The following MGMT variants were observed in gnomAD, a reference collection of about 807,000 sequenced individuals.
MGMT encodes methylated-DNA--protein-cysteine methyltransferase.
Under a neutral mutation model 15.9 loss-of-function variants are expected in MGMT, and 14 were observed. That is an observed-to-expected ratio of 0.88 (90% CI 0.58 to 1.37). The LOEUF is 1.37. Ranked by LOEUF, MGMT falls within the 40% of genes most tolerant of loss-of-function variation. The pLI, the probability that MGMT is intolerant of heterozygous loss-of-function variation, is 0.00. For missense variants in MGMT, 282 were observed against 268.1 expected (o/e 1.05, Z -0.36); for synonymous variants, 130 against 118.2 (o/e 1.10, Z -0.65).
At chr10:129,539,260 A>G (rs1846017876) in intron 2 of MGMT, among the ~76,000 whole-genome samples, 1 of 152,106 alleles carries the variant, frequency 6.6e-6, no homozygotes, top group South Asian at 2.1e-4. Context: ...GTTTAGATAT[A>G]TGTGATCCAT....
rs111739376 is a variant in MGMT, at chr10:129,666,026, A to T, written c.126-41869A>T. Among the ~76,000 whole-genome samples, 806 of 152,284 alleles carry T rather than the reference A, an allele frequency of 5.3e-3. 5 individuals carry two copies. Among genetic ancestry groups the T allele is most frequent in the African/African-American group, 0.019 (770 of 41,558 alleles). On this transcript the variant is annotated intron_variant, in intron 2 of 4. Coordinates refer to ENST00000651593, the MANE Select transcript of MGMT (RefSeq NM_002412.5). ...ATATTCTTAGGAAATAAGATGTGTG[A>T]TATACCCAAAGTAACTCTCAAATGG...
At chr10:129,642,404 G>A (rs1269164304) in intron 2 of MGMT, among the ~76,000 whole-genome samples, 2 of 151,768 alleles carry the variant, frequency 1.3e-5, no homozygotes, top group Admixed American at 1.3e-4. Context: ...TAACCAAGGA[G>A]AATCCTTACT....
At chr10:129,640,348 G>A (rs927719733) in intron 2 of MGMT, among the ~76,000 whole-genome samples, 9 of 152,080 alleles carry the variant, frequency 5.9e-5, no homozygotes, top group African/African-American at 1.2e-4. Flanking sequence ...CACCCACCTC[G>A]GCCTCCCAAA....
rs1846856592 is a variant in MGMT, at chr10:129,604,031, C to T, written c.125+67654C>T. Among the ~76,000 whole-genome samples the T allele has an allele frequency of 2.0e-5, 3 of 152,144 alleles. No individual in the cohort carries two copies. In the South Asian group the frequency reaches 6.2e-4, roughly 32 times the overall value. On this transcript the variant is annotated intron_variant, in intron 2 of 4. Coordinates refer to ENST00000651593, the MANE Select transcript of MGMT (RefSeq NM_002412.5). The stretch of plus-strand genomic sequence containing the variant: ...GCGTGTGTCTGCGGGTGCCAGAGGT[C>T]AGATTTTTCAAAAGTCAGTGCTATA...
intron 1 of MGMT, among the ~76,000 whole-genome samples, chr10:129,527,275 A>G (rs866970414): frequency 6.6e-6 from 1 of 152,062 alleles, no homozygotes; most frequent in Non-Finnish European, 1.5e-5. Flanking sequence ...CATTATGTGC[A>G]CATGCCCTGT....
intron 3 of MGMT, among the ~76,000 whole-genome samples, chr10:129,758,062 A>G (rs1848827286): frequency 6.6e-6 from 1 of 152,222 alleles, no homozygotes; most frequent in African/African-American, 2.4e-5. Flanking sequence ...ACCCTTTTCT[A>G]GTATCACCTG....
intron 2 of MGMT, among the ~76,000 whole-genome samples, chr10:129,686,395 GAC>G (rs1213159348): frequency 1.3e-5 from 2 of 151,898 alleles, no homozygotes; most frequent in Admixed American, 1.3e-4. Flanking sequence ...ATTTTTTTGA[GAC>G]AGAGTCTCGC....
intron 2 of MGMT, among the ~76,000 whole-genome samples, chr10:129,538,737 G>A (rs545137339): frequency 6.6e-6 from 1 of 152,206 alleles, no homozygotes; most frequent in Non-Finnish European, 1.5e-5. Flanking sequence ...CTGGGTTCAA[G>A]CAATTCTCCT....
At chr10:129,633,336 T>C (rs1048387400) in intron 2 of MGMT, among the ~76,000 whole-genome samples, 1 of 152,190 alleles carries the variant, frequency 6.6e-6, no homozygotes, top group Non-Finnish European at 1.5e-5. Context: ...ATCTAATGCC[T>C]ATGAGACTGC....
intron 2 of MGMT, among the ~76,000 whole-genome samples, chr10:129,642,064 A>G (rs894024287): frequency 6.6e-6 from 1 of 152,318 alleles, no homozygotes; most frequent in South Asian, 2.1e-4. Context: ...ACAGACACAG[A>G]GAACCCTTGT....
chr10:129,545,186 T>C (rs572924170), intron 2 of MGMT, among the ~76,000 whole-genome samples: 2 of 152,206 alleles, frequency 1.3e-5, no homozygotes, highest in Non-Finnish European at 2.9e-5. Context: ...GGGTATTCCC[T>C]CTACTTAGCT....
chr10:129,536,271 A>G lies in MGMT; in HGVS notation c.19A>G (p.Met7Val). The G allele has an allele frequency of 6.2e-7, 1 of 1,614,036 alleles. No individual in the cohort carries two copies. Among genetic ancestry groups the G allele is most frequent in the Non-Finnish European group, 8.5e-7 (1 of 1,180,024 alleles). Residue 7 changes from methionine (M) to valine (V), a missense_variant, in exon 2 of 5, where the codon ATG becomes GTG. Transcript: ENST00000651593. MDKDCEMKRTTLDSPLG... is the reference protein window; with the variant it reads MDKDCEVKRTTLDSPLG... ...TGGAAAAATGGACAAGGATTGTGAA[A>G]TGAAACGCACCACACTGGACAGCCC...
Position 129,767,586 on chromosome 10 carries a change from TCAGGTGAATAGAAA to T in MGMT, c.*590_*603del, listed in dbSNP as rs1193530036. On this transcript the variant is annotated 3_prime_UTR_variant, in exon 5 of 5. Coordinates refer to ENST00000651593, the MANE Select transcript of MGMT (RefSeq NM_002412.5). Reference sequence around the variant, plus strand: ...AAGATGCATCCACTTATGGTCTGTATCAGGTGAATAGAAAATAACCATTTGCCAAGATTTGGAAA... The same window carrying T: ...AAGATGCATCCACTTATGGTCTGTATATAACCATTTGCCAAGATTTGGAAA... 2.0e-5 allele frequency: 3 copies of T among 152,368 alleles called. No homozygotes were observed. Among genetic ancestry groups the T allele is most frequent in the East Asian group, 1.9e-4 (1 of 5,210 alleles). The allele number at this position is 152,368 out of a possible 1,614,324, so 9.4% of individuals were successfully genotyped here.
At position 129,651,704 on chromosome 10, in the gene MGMT, T is replaced by C. The variant is rs956545129; in HGVS notation, c.126-56191T>C. Among the ~76,000 whole-genome samples, 7 of 152,158 alleles carry C rather than the reference T, an allele frequency of 4.6e-5. No homozygotes were observed. In the East Asian group the frequency reaches 5.8e-4, roughly 13 times the overall value. ...AGAGAACGTGCTCATCCTGGCCCTG[T>C]TGGATTGTCTCCACAGATGTTTTTC... On this transcript the variant is annotated intron_variant, in intron 2 of 4. Transcript: ENST00000651593.
At chr10:129,705,953 T>C (rs1214781385) in intron 2 of MGMT, among the ~76,000 whole-genome samples, 1 of 152,090 alleles carries the variant, frequency 6.6e-6, no homozygotes, top group Non-Finnish European at 1.5e-5. Flanking sequence ...AGAGCTGGGG[T>C]TGGAGCTGAG....
intron 1 of MGMT, among the ~76,000 whole-genome samples, chr10:129,518,369 C>T (rs1490070128): frequency 1.4e-5 from 2 of 142,518 alleles, no homozygotes; most frequent in African/African-American, 5.1e-5. Context: ...CACACACACA[C>T]ACACATTTGG....
chr10:129,629,658 A>G (rs1847188932), intron 2 of MGMT, among the ~76,000 whole-genome samples: 1 of 152,196 alleles, frequency 6.6e-6, no homozygotes, highest in Non-Finnish European at 1.5e-5. Context: ...CTTTGCATGC[A>G]TAAACCTGTG....
intron 2 of MGMT, among the ~76,000 whole-genome samples, chr10:129,652,566 G>C (rs1847473439): frequency 6.6e-6 from 1 of 152,242 alleles, no homozygotes; most frequent in African/African-American, 2.4e-5. Context: ...GAGGAGGGGA[G>C]CAAGAAAGCA....
intron 1 of MGMT, among the ~76,000 whole-genome samples, chr10:129,473,650 G>T (rs1589826295): frequency 7.3e-6 from 1 of 136,312 alleles, no homozygotes; most frequent in Admixed American, 6.8e-5. Flanking sequence ...GGGCAAGACA[G>T]GGTGTAAACA....
Sources: allele counts gnomAD v4.1 joint callset (sites outside exome capture counted in the v4.1 genomes callset), GRCh38; gene constraint gnomAD v4.1.1; transcripts MANE v1.5; gene names NCBI Gene and HGNC (gene_info 2026-07-23, HGNC 2026-07-21).